LRRC8D: variants seen among roughly 807,000 people sequenced by gnomAD.
LRRC8D encodes volume-regulated anion channel subunit LRRC8D.
In LRRC8D, 20 loss-of-function variants were observed where a neutral mutation model predicts 55.8. That is an observed-to-expected ratio of 0.36 (90% CI 0.25 to 0.52). The LOEUF (loss-of-function observed/expected upper bound fraction) is 0.52. Among genes scored for constraint, LRRC8D ranks in the 20% least tolerant of loss-of-function variants. The pLI, the probability that LRRC8D is intolerant of heterozygous loss-of-function variation, is 0.93. For synonymous variants in LRRC8D, 352 were observed against 377.0 expected, an observed-to-expected ratio of 0.93 and a Z score of 0.77; for missense variants, 651 against 1,030.8, an observed-to-expected ratio of 0.63 and a Z score of 5.05.
chr1:89,838,776 T>G (rs1162978014), intron 1 of LRRC8D, among the ~76,000 whole-genome samples: 1 of 152,248 alleles, frequency 6.6e-6, no homozygotes, highest in Non-Finnish European at 1.5e-5. Flanking sequence ...ATTAAGATTT[T>G]GTTTATCACA....
intron 2 of LRRC8D, among the ~76,000 whole-genome samples, chr1:89,881,432 C>A (rs898565457): frequency 1.3e-5 from 2 of 152,080 alleles, no homozygotes; most frequent in African/African-American, 4.8e-5. Context: ...AAACTAAGGA[C>A]CCCCCTGAGA....
At chr1:89,920,605 A>G (rs977237579) in intron 2 of LRRC8D, among the ~76,000 whole-genome samples, 2 of 151,778 alleles carry the variant, frequency 1.3e-5, no homozygotes, top group African/African-American at 2.4e-5. Flanking sequence ...TCGTTTCTAT[A>G]TAGAATTATA....
intron 2 of LRRC8D, among the ~76,000 whole-genome samples, chr1:89,857,276 G>A (rs1661582563): frequency 6.6e-6 from 1 of 151,486 alleles, no homozygotes; most frequent in Non-Finnish European, 1.5e-5. Context: ...CCAGTTACTT[G>A]GAGGCTGAGG....
intron 1 of LRRC8D, among the ~76,000 whole-genome samples, chr1:89,842,110 G>A (rs1379162315): frequency 6.6e-6 from 1 of 152,000 alleles, no homozygotes; most frequent in Non-Finnish European, 1.5e-5. Flanking sequence ...CTTCTCGGGA[G>A]GCTGAGGCAG....
rs186262958 is a variant in LRRC8D at position 89,864,412 on chromosome 1, C to T, written c.-3+20630C>T. ...TCTTCCTTCATCTGATGAAAGACAC[C>T]ACTATCCACCAGTTACCATTTGAAC... is the stretch of plus-strand genomic sequence containing the variant. On this transcript the variant is annotated intron_variant, in intron 2 of 2. Transcript: ENST00000337338. 2.0e-5 allele frequency among the ~76,000 whole-genome samples: 3 copies of T among 152,218 alleles called. No individual in the cohort carries two copies. In the East Asian group the frequency reaches 5.8e-4, roughly 29 times the overall value.
rs373031308 is a variant in LRRC8D at position 89,935,258 on chromosome 1, A to G, written c.2190A>G (p.Lys730=). 1.2e-6 allele frequency: 2 copies of G among 1,613,908 alleles called. No individual in the cohort carries two copies. The highest frequency in any genetic ancestry group is 2.7e-5 in the African/African-American group (2 of 74,902). ...SLPVAVFSLQ[K]LRCLDVSYNN... ...CAGTGGCAGTATTTAGTTTACAGAA[A>G]CTCAGATGCTTAGATGTGAGCTACA... is the stretch of plus-strand genomic sequence containing the variant. The change falls in exon 3 of 3, where the codon AAA becomes AAG. Residue 730 remains lysine, a synonymous_variant. Transcript: ENST00000337338.
At chr1:89,878,737 G>A (rs935666405) in intron 2 of LRRC8D, among the ~76,000 whole-genome samples, 1 of 152,008 alleles carries the variant, frequency 6.6e-6, no homozygotes, top group African/African-American at 2.4e-5. Context: ...AGGCTGAGGC[G>A]GGTGGATCAC....
Position 89,896,836 on chromosome 1 carries a change from C to T in LRRC8D, c.-2-36231C>T, listed in dbSNP as rs2816865. Among the ~76,000 whole-genome samples the T allele has an allele frequency of 9.0e-3, 1,368 of 152,172 alleles. 12 individuals are homozygous for T. The highest frequency in any genetic ancestry group is 0.031 in the African/African-American group (1,304 of 41,522). ...ATAAACAAGCTAAATCTATATAGTG[C>T]GAAATAAACATATTCACATATTCTC... On this transcript the variant is annotated intron_variant, in intron 2 of 2. Coordinates refer to ENST00000337338, the MANE Select transcript of LRRC8D (RefSeq NM_001134479.2).
chr1:89,856,837 T>C (rs1661567122), intron 2 of LRRC8D, among the ~76,000 whole-genome samples: 2 of 152,172 alleles, frequency 1.3e-5, no homozygotes, highest in Admixed American at 1.3e-4. Context: ...CTTGTAACTG[T>C]TTTCTATTCA....
At chr1:89,890,745 G>A (rs1662555803) in intron 2 of LRRC8D, among the ~76,000 whole-genome samples, 2 of 152,234 alleles carry the variant, frequency 1.3e-5, no homozygotes, top group African/African-American at 4.8e-5. Flanking sequence ...ATACAATACT[G>A]TTAACCAATC....
intron 2 of LRRC8D, among the ~76,000 whole-genome samples, chr1:89,872,508 T>A (rs1388294918): frequency 6.6e-6 from 1 of 152,240 alleles, no homozygotes; most frequent in Non-Finnish European, 1.5e-5. Context: ...CCAGTCATAT[T>A]CTGTACCAAA....
intron 2 of LRRC8D, among the ~76,000 whole-genome samples, chr1:89,908,570 A>G (rs1294324859): frequency 6.6e-6 from 1 of 152,242 alleles, no homozygotes; most frequent in Non-Finnish European, 1.5e-5. Context: ...AGCCCAGGAA[A>G]GAGACAACTT....
intron 2 of LRRC8D, among the ~76,000 whole-genome samples, chr1:89,867,026 A>G (rs936448870): frequency 5.9e-5 from 9 of 152,184 alleles, no homozygotes; most frequent in Non-Finnish European, 1.0e-4. Flanking sequence ...GATATAATTC[A>G]TATACCATAC....
rs577045672 is a variant in LRRC8D at position 89,889,633 on chromosome 1, G to A, written c.-2-43434G>A. Among the ~76,000 whole-genome samples the A allele has an allele frequency of 1.3e-3, 196 of 150,122 alleles. 1 individual carries two copies. The highest frequency in any genetic ancestry group is 4.2e-3 in the African/African-American group (173 of 40,842). On this transcript the variant is annotated intron_variant, in intron 2 of 2. Coordinates refer to ENST00000337338, the MANE Select transcript of LRRC8D (RefSeq NM_001134479.2). ...GCACTGGCTCATTCCTGTAATCCCC[G>A]CACTTTGGGAGGCCGAGGCTGGTGG...
intron 2 of LRRC8D, among the ~76,000 whole-genome samples, chr1:89,927,452 A>C (rs1663597041): frequency 6.6e-6 from 1 of 152,240 alleles, no homozygotes. Context: ...GTTGATAGGC[A>C]TTTGGATAGC....
intron 2 of LRRC8D, among the ~76,000 whole-genome samples, chr1:89,863,333 A>G (rs944897607): frequency 3.9e-5 from 6 of 152,210 alleles, no homozygotes; most frequent in African/African-American, 1.4e-4. Flanking sequence ...TGGCCCCTGG[A>G]GGAAGAGGCA....
intron 2 of LRRC8D, among the ~76,000 whole-genome samples, chr1:89,930,863 T>G (rs1159277341): frequency 6.6e-6 from 1 of 151,776 alleles, no homozygotes; most frequent in Non-Finnish European, 1.5e-5. Flanking sequence ...CTTTTCTTCC[T>G]GCTTATCCAA....
chr1:89,933,035 A>G lies in LRRC8D; in HGVS notation c.-2-32A>G, dbSNP rs1340537754. ...ATTTACTCTTTTCATTTGCATCTCT[A>G]GAATAATGTCTTTTGTCTTCTTGTT... On this transcript the variant is annotated intron_variant, in intron 2 of 2. Transcript: ENST00000337338. This position sits in a 1 kb window ranked among gnomAD's most constrained non-coding sequence, Gnocchi z 7.0. 6.3e-7 allele frequency: 1 copy of G among 1,578,774 alleles called. No homozygotes were observed. Among genetic ancestry groups the G allele is most frequent in the South Asian group, 1.2e-5 (1 of 86,834 alleles).
intron 2 of LRRC8D, among the ~76,000 whole-genome samples, chr1:89,888,896 A>T (rs181666225): frequency 2.5e-4 from 38 of 152,378 alleles, no homozygotes; most frequent in Non-Finnish European, 3.7e-4. Context: ...TAAATGATTG[A>T]ATCAATAAAT....
Sources: gnomAD v4.1 joint callset for allele counts (sites outside exome capture counted in the v4.1 genomes callset) on GRCh38, gnomAD v4.1.1 for gene constraint, Gnocchi (gnomAD v3.1) non-coding constraint, MANE v1.5 for transcripts, NCBI Gene and HGNC (gene_info 2026-07-23, HGNC 2026-07-21) for gene names.